Variants in BMP6 observed in about 807,000 individuals in gnomAD.
BMP6 encodes the protein bone morphogenetic protein 6.
BMP6 carries 17 observed loss-of-function variants against 54.1 expected under a neutral mutation model. The observed-to-expected ratio is 0.31, with a 90% CI of 0.22 to 0.47. BMP6 has a LOEUF of 0.47. Among genes scored for constraint, BMP6 ranks in the 20% least tolerant of loss-of-function variants. The pLI is 1.00. For synonymous variants in BMP6, 328 were observed against 291.2 expected, an observed-to-expected ratio of 1.13 and a Z score of -1.28; for missense variants, 720 against 690.4, an observed-to-expected ratio of 1.04 and a Z score of -0.48.
chr6:7,810,785 A>C (rs949619909), intron 1 of BMP6, among the ~76,000 whole-genome samples: 1 of 152,216 alleles, frequency 6.6e-6, no homozygotes, highest in African/African-American at 2.4e-5. Context: ...CTCAAAGTAT[A>C]TGGTACATTT....
chr6:7,841,183 T>C (rs1333435611), intron 1 of BMP6, among the ~76,000 whole-genome samples: 1 of 152,200 alleles, frequency 6.6e-6, no homozygotes, highest in Non-Finnish European at 1.5e-5. Context: ...CAGCATCATA[T>C]AGGTAAGAAA....
chr6:7,865,362 G>A (rs1379790251), intron 4 of BMP6, among the ~76,000 whole-genome samples: 1 of 152,098 alleles, frequency 6.6e-6, no homozygotes, highest in Non-Finnish European at 1.5e-5. Flanking sequence ...AAATCTCTCC[G>A]GTCTCACCTA....
chr6:7,814,774 A>G (rs1042824717), intron 1 of BMP6, among the ~76,000 whole-genome samples: 6 of 152,134 alleles, frequency 3.9e-5, no homozygotes, highest in African/African-American at 1.4e-4. Context: ...TTTAAATGAA[A>G]ACACATGGAC....
At chr6:7,867,167 T>C (rs1653106) in intron 4 of BMP6, among the ~76,000 whole-genome samples, 54,068 of 151,688 alleles carry the variant, frequency 0.36, 10,578 homozygotes, top group East Asian at 0.59. Flanking sequence ...CCACCACATC[T>C]GGCCAGCATT....
chr6:7,726,112 T>C lies in BMP6; in HGVS notation c.-844T>C, dbSNP rs1761716169. Among the ~76,000 whole-genome samples, 1 of 152,276 alleles carries C rather than the reference T, an allele frequency of 6.6e-6. No homozygotes were observed. Among genetic ancestry groups the C allele is most frequent in the South Asian group, 2.1e-4 (1 of 4,828 alleles). ...CGGGCGCGCAGCAGAAAGCCCACGT[T>C]GGCCGCTGCGGGGAGCGCGGCGTGG... is the stretch of plus-strand genomic sequence containing the variant. On this transcript the variant is annotated 5_prime_UTR_variant, in exon 1 of 7. Coordinates refer to ENST00000283147, the MANE Select transcript of BMP6 (RefSeq NM_001718.6).
chr6:7,772,064 CAAAAAAACAA>C (rs1395801791), intron 1 of BMP6, among the ~76,000 whole-genome samples: 4 of 147,978 alleles, frequency 2.7e-5, no homozygotes, highest in East Asian at 4.3e-4. Context: ...AAAAAAAAAC[CAAAAAAACAA>C]AAAAAAACAA....
chr6:7,798,795 C>A (rs1758228663), intron 1 of BMP6, among the ~76,000 whole-genome samples: 1 of 152,142 alleles, frequency 6.6e-6, no homozygotes, highest in African/African-American at 2.4e-5. Context: ...AAGTAATTCC[C>A]TTAGACTTAG....
At chr6:7,799,448 T>G (rs892021515) in intron 1 of BMP6, among the ~76,000 whole-genome samples, 9 of 152,224 alleles carry the variant, frequency 5.9e-5, no homozygotes, top group Non-Finnish European at 2.9e-5. Flanking sequence ...TGATTTCTTT[T>G]TTTGAAGAAG....
At chr6:7,734,046 T>G (rs1761916243) in intron 1 of BMP6, among the ~76,000 whole-genome samples, 1 of 152,200 alleles carries the variant, frequency 6.6e-6, no homozygotes, top group Admixed American at 6.5e-5. Flanking sequence ...GTTCAGTCAC[T>G]AGTGTTTTGA....
chr6:7,811,891 T>C (rs1758441371), intron 1 of BMP6, among the ~76,000 whole-genome samples: 1 of 152,240 alleles, frequency 6.6e-6, no homozygotes, highest in East Asian at 1.9e-4. Flanking sequence ...TGAAAATATT[T>C]ACTTTAAAAA....
intron 1 of BMP6, among the ~76,000 whole-genome samples, chr6:7,735,564 G>A (rs940320536): frequency 6.6e-6 from 1 of 152,176 alleles, no homozygotes; most frequent in Admixed American, 6.5e-5. Context: ...CAACGGAGAA[G>A]CTGTACATTT....
At position 7,881,291 on chromosome 6, in the gene BMP6, T is replaced by C. The variant is rs1581299363; in HGVS notation, c.*948T>C. 1 of 152,638 alleles carries C rather than the reference T, an allele frequency of 6.6e-6. No individual in the cohort carries two copies. The highest frequency in any genetic ancestry group is 2.4e-5 in the African/African-American group (1 of 41,444). The allele number at this position is 152,638 out of a possible 1,614,324, so 9.5% of individuals were successfully genotyped here. A position where few individuals can be genotyped will look rare whatever the true frequency, so the allele number is the denominator to read the frequency against. ...TGAGCATGCTGTTTATGAACGGAAATCATGATTTCCCTTGTAGAAAGTGAG... is the reference window on the plus strand; with the variant it reads ...TGAGCATGCTGTTTATGAACGGAAACCATGATTTCCCTTGTAGAAAGTGAG... On this transcript the variant is annotated 3_prime_UTR_variant, in exon 7 of 7. Transcript: ENST00000283147.
intron 1 of BMP6, among the ~76,000 whole-genome samples, chr6:7,792,659 C>A (rs1233699486): frequency 6.6e-6 from 1 of 152,232 alleles, no homozygotes; most frequent in Non-Finnish European, 1.5e-5. Context: ...TCTGTTTTTT[C>A]ATGGATGGTC....
chr6:7,786,799 G>T (rs1362168729), intron 1 of BMP6, among the ~76,000 whole-genome samples: 1 of 152,130 alleles, frequency 6.6e-6, no homozygotes, highest in Non-Finnish European at 1.5e-5. Context: ...CCCCATGCAG[G>T]TGACTCAATC....
chr6:7,730,880 T>C (rs1342776391), intron 1 of BMP6, among the ~76,000 whole-genome samples: 3 of 152,182 alleles, frequency 2.0e-5, no homozygotes, highest in Non-Finnish European at 4.4e-5. Context: ...TTAAGTAAAT[T>C]ACACACTGGA....
rs778406536 is a variant in BMP6 at position 7,845,232 on chromosome 6, G to T, written c.757G>T (p.Ala253Ser). The part of the protein sequence containing the change: ...SQIPEGEVVT[A>S]AEFRIYKDCV... ...GATTCCTGAGGGTGAGGTGGTGACG[G>T]CTGCAGAATTCCGCATCTACAAGGA... Residue 253 changes from alanine to serine, a missense_variant, in exon 2 of 7, where the codon GCT becomes TCT. This residue lies in a region of BMP6 where 650 missense variants were observed against 556.3 expected (regional missense o/e 1.17). Coordinates refer to ENST00000283147, the MANE Select transcript of BMP6 (RefSeq NM_001718.6). 1 of 1,613,980 alleles carries T rather than the reference G, an allele frequency of 6.2e-7. No individual in the cohort carries two copies. The highest frequency in any genetic ancestry group is 8.5e-7 in the Non-Finnish European group (1 of 1,179,956).
At chr6:7,745,310 G>C (rs1039499339) in intron 1 of BMP6, among the ~76,000 whole-genome samples, 1 of 152,206 alleles carries the variant, frequency 6.6e-6, no homozygotes, top group African/African-American at 2.4e-5. Flanking sequence ...GTCTCACTCT[G>C]TCACCCAGGC....
chr6:7,880,167 A>G (rs1462835982), intron 6 of BMP6, 27 bp from the exon 7 acceptor site: 1 of 1,614,022 alleles, frequency 6.2e-7, no homozygotes, highest in South Asian at 1.1e-5. Context: ...TTTCTAAGGT[A>G]CCTTCTCCCC....
chr6:7,810,784 TA>T (rs1469508284), intron 1 of BMP6, among the ~76,000 whole-genome samples: 1 of 152,226 alleles, frequency 6.6e-6, no homozygotes, highest in Admixed American at 6.5e-5. Context: ...ACTCAAAGTA[TA>T]TGGTACATTT....
Sources: gnomAD v4.1 joint callset for allele counts (sites outside exome capture counted in the v4.1 genomes callset) on GRCh38, gnomAD v4.1.1 for gene constraint, gnomAD v4.1.1 regional missense constraint, MANE v1.5 for transcripts, NCBI Gene and HGNC (gene_info 2026-07-23, HGNC 2026-07-21) for gene names.